SENP6: variants seen among roughly 807,000 people sequenced by gnomAD.
The protein encoded by SENP6 is sentrin-specific protease 6.
SENP6 carries 41 observed loss-of-function variants against 134.5 expected under a neutral mutation model. That is an observed-to-expected ratio of 0.30 (90% CI 0.24 to 0.40). The LOEUF is 0.40. Among genes scored for constraint, SENP6 ranks in the 10% least tolerant of loss-of-function variants. The pLI is 1.00. For synonymous variants in SENP6, 395 were observed against 429.8 expected (o/e 0.92, Z 1.00); for missense variants, 1,248 against 1,312.5 (o/e 0.95, Z 0.76).
Position 75,666,916 on chromosome 6 carries a change from C to A in SENP6, c.1199C>A (p.Pro400Gln). The change falls in exon 10 of 24, where the codon CCA (proline) becomes CAA (glutamine). Residue 400 changes from proline (P) to glutamine (Q), a missense_variant. By Grantham distance (76) the Pro-to-Gln change is moderately conservative. Transcript: ENST00000447266. ...EDSELNTVTL[P>Q]RKARMKDQFG... is the part of the protein sequence containing the mutation. ...TCAGAGTTAAATACAGTTACATTGC[C>A]AAGAAAAGCAAGAATGAAAGACCAG... 6.3e-7 allele frequency: 1 copy of A among 1,598,924 alleles called. No individual in the cohort carries two copies. The highest frequency in any genetic ancestry group is 1.1e-5 in the South Asian group (1 of 89,612).
chr6:75,657,767 A>C (rs149389350), intron 7 of SENP6, among the ~76,000 whole-genome samples: 94 of 152,300 alleles, frequency 6.2e-4, no homozygotes, highest in African/African-American at 2.0e-3. Context: ...CTAGGGATTA[A>C]TTGTGCCTAG....
At chr6:75,662,071 A>G (rs1429700892) in intron 8 of SENP6, among the ~76,000 whole-genome samples, 1 of 152,014 alleles carries the variant, frequency 6.6e-6, no homozygotes, top group African/African-American at 2.4e-5. Context: ...TAAATAAATA[A>G]ATAAATAAAA....
chr6:75,665,445 T>C (rs998341324), intron 9 of SENP6, among the ~76,000 whole-genome samples: 4 of 152,156 alleles, frequency 2.6e-5, no homozygotes, highest in Admixed American at 6.5e-5. Flanking sequence ...CAGAATATTA[T>C]GAGAAAATTG....
At chr6:75,665,052 T>C (rs903603794) in intron 9 of SENP6, among the ~76,000 whole-genome samples, 1 of 152,172 alleles carries the variant, frequency 6.6e-6, no homozygotes, top group Non-Finnish European at 1.5e-5. Flanking sequence ...TTTGGGAGGC[T>C]GAGGCGGGCG....
intron 19 of SENP6, among the ~76,000 whole-genome samples, chr6:75,707,407 A>G (rs1286719990): frequency 8.6e-6 from 1 of 115,652 alleles, no homozygotes; most frequent in Non-Finnish European, 1.6e-5. Flanking sequence ...TCTGTTGCCC[A>G]GGCTGGAATG....
In SENP6 at chr6:75,623,849, A is replaced by G. The variant is rs765442064; in HGVS notation, c.147-51A>G. ...AGAGGATAAAACCTCAGAATTTAAT[A>G]TAAGGATTGTGATTGCTACTTATGT... On this transcript the variant is annotated intron_variant, in intron 2 of 23. Transcript: ENST00000447266. The G allele has an allele frequency of 5.5e-6, 8 of 1,466,608 alleles. No individual in the cohort carries two copies. In the African/African-American group the frequency reaches 1.0e-4, roughly 18 times the overall value. 90.8% of individuals were successfully genotyped at this position (1,466,608 alleles called of 1,614,324 possible).
At chr6:75,626,493 G>A (rs1316744652) in intron 3 of SENP6, among the ~76,000 whole-genome samples, 5 of 151,982 alleles carry the variant, frequency 3.3e-5, no homozygotes, top group Non-Finnish European at 4.4e-5. Flanking sequence ...TTGTTATATA[G>A]TACTTCATTG....
chr6:75,611,666 T>G lies in SENP6; in HGVS notation c.52+9090T>G, dbSNP rs549575502. 9 of 152,368 alleles carry G rather than the reference T, an allele frequency of 5.9e-5. No individual in the cohort carries two copies. The East Asian group carries it at 1.7e-3, about 29-fold the overall frequency. The allele number at this position is 152,368 out of a possible 1,614,324, so 9.4% of individuals were successfully genotyped here. A position where few individuals can be genotyped will look rare whatever the true frequency, so the allele number is the denominator to read the frequency against. On this transcript the variant is annotated intron_variant, in intron 1 of 23. Transcript: ENST00000447266. The stretch of plus-strand genomic sequence containing the variant: ...GGTTTAATTTCTGGCTTTAGAAGTT[T>G]GTGTGCTTCAGCTTGAGATAAGTGT...
chr6:75,699,484 TTTTC>T lies in SENP6; in HGVS notation c.2288+1979_2288+1982del, dbSNP rs1036853116. On this transcript the variant is annotated intron_variant, in intron 18 of 23. Coordinates refer to ENST00000447266, the MANE Select transcript of SENP6 (RefSeq NM_015571.4). ...TCTGGTAGTACCAGTTTTGTTTTTC[TTTTC>T]TTTCTTTCTTTTTTCTCGAGATAGG... is the stretch of plus-strand genomic sequence containing the variant. Among the ~76,000 whole-genome samples the T allele has an allele frequency of 1.2e-4, 18 of 152,002 alleles. No homozygotes were observed. The East Asian group carries it at 2.3e-3, about 20-fold the overall frequency.
At chr6:75,699,663 T>C (rs952064252) in intron 18 of SENP6, among the ~76,000 whole-genome samples, 2 of 149,140 alleles carry the variant, frequency 1.3e-5, no homozygotes, top group Admixed American at 1.3e-4. Flanking sequence ...AATTTTTGTA[T>C]TTTTTTTTAG....
chr6:75,699,514 G>T (rs1050527633), intron 18 of SENP6, among the ~76,000 whole-genome samples: 26 of 151,740 alleles, frequency 1.7e-4, no homozygotes, highest in Admixed American at 1.6e-3. Flanking sequence ...TCGAGATAGG[G>T]TCTCTGTCTG....
chr6:75,646,182 T>A (rs1194568355), intron 6 of SENP6, among the ~76,000 whole-genome samples: 1 of 152,230 alleles, frequency 6.6e-6, no homozygotes, highest in African/African-American at 2.4e-5. Context: ...TTTATTTTAA[T>A]CCCAAGTTAG....
chr6:75,656,459 A>G (rs1273511986), intron 7 of SENP6, among the ~76,000 whole-genome samples: 1 of 152,122 alleles, frequency 6.6e-6, no homozygotes, highest in Non-Finnish European at 1.5e-5. Flanking sequence ...AGCTAGTAAA[A>G]CTTCCACAGG....
At chr6:75,661,856 A>G (rs1200632240) in intron 8 of SENP6, among the ~76,000 whole-genome samples, 1 of 152,138 alleles carries the variant, frequency 6.6e-6, no homozygotes, top group African/African-American at 2.4e-5. Context: ...GTTTGAAACC[A>G]GTCTGGCCAA....
chr6:75,662,044 C>G (rs1771818851), intron 8 of SENP6, among the ~76,000 whole-genome samples: 1 of 151,876 alleles, frequency 6.6e-6, no homozygotes, highest in Non-Finnish European at 1.5e-5. Context: ...AAGAGTGAAT[C>G]TCCTTCTCAA....
At chr6:75,607,115 A>G (rs758559915) in intron 1 of SENP6, among the ~76,000 whole-genome samples, 1 of 152,146 alleles carries the variant, frequency 6.6e-6, no homozygotes, top group Non-Finnish European at 1.5e-5. Flanking sequence ...TGGGAGGCCA[A>G]GTTGAGAGGA....
Position 75,697,517 on chromosome 6 carries a change from C to CTGCACACTGGTTTTTGGCTGTTGTTT in SENP6, c.2288_2288+1insTGCACACTGGTTTTTGGCTGTTGTTT (p.Cys772LeufsTer37). 1 of 1,597,402 alleles carries CTGCACACTGGTTTTTGGCTGTTGTTT rather than the reference C, an allele frequency of 6.3e-7. No homozygotes were observed. The highest frequency in any genetic ancestry group is 8.6e-7 in the Non-Finnish European group (1 of 1,168,844). Reference sequence around the variant, plus strand: ...TTTATTTTTGTACCCCTTAATGAAGCGTGAGTAAGAATTTCCTTTAAAGGA... The same window carrying CTGCACACTGGTTTTTGGCTGTTGTTT: ...TTTATTTTTGTACCCCTTAATGAAGCTGCACACTGGTTTTTGGCTGTTGTTTGTGAGTAAGAATTTCCTTTAAAGGA... On this transcript the variant is annotated frameshift_variant and splice_region_variant. Coordinates refer to ENST00000447266, the MANE Select transcript of SENP6 (RefSeq NM_015571.4). LOFTEE classifies it high-confidence loss of function.
At chr6:75,707,047 A>G (rs1775447176) in intron 19 of SENP6, among the ~76,000 whole-genome samples, 1 of 152,166 alleles carries the variant, frequency 6.6e-6, no homozygotes, top group South Asian at 2.1e-4. Context: ...ATCACCTCTC[A>G]ATTTACTCCA....
At chr6:75,607,175 G>A (rs1418327215) in intron 1 of SENP6, among the ~76,000 whole-genome samples, 3 of 151,874 alleles carry the variant, frequency 2.0e-5, no homozygotes, top group Non-Finnish European at 4.4e-5. Context: ...TAGTGAGCCC[G>A]TGTCTGTACA....
Sources: allele counts gnomAD v4.1 joint callset (sites outside exome capture counted in the v4.1 genomes callset), GRCh38; gene constraint gnomAD v4.1.1; transcripts MANE v1.5; gene names NCBI Gene and HGNC (gene_info 2026-07-23, HGNC 2026-07-21).